The following BZW2 variants were observed in gnomAD, a reference collection of about 807,000 sequenced individuals.
The protein encoded by BZW2 is eIF5-mimic protein 1.
BZW2 carries 23 observed loss-of-function variants against 53.2 expected under a neutral mutation model. The ratio of observed to expected loss-of-function variants is 0.43; its 90% CI spans 0.31 to 0.61. BZW2 has a LOEUF of 0.61. Among genes scored for constraint, BZW2 ranks in the 20% least tolerant of loss-of-function variants. BZW2 has a pLI of 0.09. For synonymous variants in BZW2, 227 were observed against 186.4 expected (o/e 1.22, Z -1.77); for missense variants, 409 against 503.1 (o/e 0.81, Z 1.79).
intron 6 of BZW2, chr7:16,688,572 AG>A (rs1290388536): frequency 6.6e-6 from 1 of 152,214 alleles, no homozygotes; most frequent in Non-Finnish European, 1.5e-5. Context: ...ACTGGATAAA[AG>A]GGGACCTCTT....
intron 8 of BZW2, among the ~76,000 whole-genome samples, chr7:16,695,268 A>G (rs2128367741): frequency 6.6e-6 from 1 of 152,340 alleles, no homozygotes; most frequent in Non-Finnish European, 1.5e-5. Context: ...GATTTTCAAA[A>G]TATTTCATCT....
At chr7:16,690,848 A>C (rs368047966) in intron 7 of BZW2, among the ~76,000 whole-genome samples, 1 of 152,152 alleles carries the variant, frequency 6.6e-6, no homozygotes, top group Non-Finnish European at 1.5e-5. Context: ...AGCAGCTGTG[A>C]AATGCCAAGA....
In BZW2 at chr7:16,674,643, G is replaced by A. The variant is rs1024725956; in HGVS notation, c.235+55G>A. On this transcript the variant is annotated intron_variant, in intron 3 of 11. Transcript: ENST00000258761. ...ATATTTATATATTTTTAATTCTGTT[G>A]AAGTATTTCCTTATAAGATAGAGTC... 1.6e-5 allele frequency: 21 copies of A among 1,327,912 alleles called. No individual in the cohort carries two copies. The African/African-American group carries it at 2.1e-4, about 13-fold the overall frequency. 82.3% of individuals were successfully genotyped at this position (1,327,912 alleles called of 1,614,324 possible).
intron 1 of BZW2, among the ~76,000 whole-genome samples, chr7:16,650,402 A>G (rs1264174155): frequency 6.6e-6 from 1 of 151,920 alleles, no homozygotes; most frequent in Non-Finnish European, 1.5e-5. Context: ...AGGCATTCCA[A>G]AAAAAAAGAG....
chr7:16,652,705 A>G (rs1782016614), intron 1 of BZW2, among the ~76,000 whole-genome samples: 1 of 151,946 alleles, frequency 6.6e-6, no homozygotes, highest in Admixed American at 6.6e-5. Flanking sequence ...TTGTATTTTT[A>G]GTACAGACGG....
intron 5 of BZW2, among the ~76,000 whole-genome samples, chr7:16,683,978 A>G (rs1240939386): frequency 1.3e-5 from 2 of 152,224 alleles, no homozygotes; most frequent in Non-Finnish European, 2.9e-5. Context: ...CCCATGACCC[A>G]GCCGTCATGA....
At chr7:16,701,358 A>G (rs1438694307) in intron 10 of BZW2, among the ~76,000 whole-genome samples, 2 of 152,108 alleles carry the variant, frequency 1.3e-5, no homozygotes, top group South Asian at 2.1e-4. Flanking sequence ...TATCTCTATC[A>G]TGGGTTTTCT....
chr7:16,681,518 G>T, intron 4 of BZW2, 114 bp downstream of exon 4: 1 of 856,162 alleles, frequency 1.2e-6, no homozygotes. Context: ...TTAAACTTAT[G>T]AAAATAATGG....
Position 16,659,041 on chromosome 7 carries a change from T to G in BZW2, c.-7-6396T>G, listed in dbSNP as rs948159053. 2.7e-5 allele frequency among the ~76,000 whole-genome samples: 4 copies of G among 150,756 alleles called. No individual in the cohort carries two copies. In the East Asian group the frequency reaches 7.8e-4, roughly 29 times the overall value. On this transcript the variant is annotated intron_variant, in intron 1 of 11. Coordinates refer to ENST00000258761, the MANE Select transcript of BZW2 (RefSeq NM_014038.3). ...ATTTGGGAGGCTGAGGCAGGAGGACTGCTTGAGCTCAAGAGTTCGAGACCA... is the reference window on the plus strand; with the variant it reads ...ATTTGGGAGGCTGAGGCAGGAGGACGGCTTGAGCTCAAGAGTTCGAGACCA...
At chr7:16,670,468 T>G (rs939522486) in intron 2 of BZW2, among the ~76,000 whole-genome samples, 1 of 152,254 alleles carries the variant, frequency 6.6e-6, no homozygotes, top group Non-Finnish European at 1.5e-5. Flanking sequence ...CATCCAACCA[T>G]GTGGTAGGGC....
intron 9 of BZW2, 38 bp downstream of exon 9, chr7:16,697,099 C>T: frequency 1.3e-6 from 2 of 1,595,346 alleles, no homozygotes; most frequent in Non-Finnish European, 8.5e-7. Flanking sequence ...CAGCCAAGGG[C>T]AAACTGCAGC....
At chr7:16,672,087 G>A (rs975007945) in intron 2 of BZW2, among the ~76,000 whole-genome samples, 6 of 151,832 alleles carry the variant, frequency 4.0e-5, no homozygotes, top group Admixed American at 3.3e-4. Context: ...TTATCACCCC[G>A]GAAACTTCAG....
intron 2 of BZW2, among the ~76,000 whole-genome samples, chr7:16,666,912 G>T (rs1419133471): frequency 4.0e-5 from 6 of 148,554 alleles, no homozygotes; most frequent in Non-Finnish European, 7.4e-5. Context: ...ACTACACCAA[G>T]CCAAGAATAT....
intron 2 of BZW2, among the ~76,000 whole-genome samples, chr7:16,667,279 C>CA (rs748681228): frequency 0.038 from 2,239 of 59,458 alleles, 44 homozygotes; most frequent in African/African-American, 0.09. Flanking sequence ...AGCTCCATCT[C>CA]AAAAAAAAAA....
At chr7:16,696,826 C>A in intron 8 of BZW2, 89 bp from the exon 9 acceptor site, 1 of 1,422,372 alleles carries the variant, frequency 7.0e-7, no homozygotes, top group Non-Finnish European at 9.8e-7. Context: ...CTTAGCTGCC[C>A]CAAAACCTTG....
intron 1 of BZW2, among the ~76,000 whole-genome samples, chr7:16,664,244 C>G (rs1156760702): frequency 1.3e-5 from 2 of 152,178 alleles, no homozygotes; most frequent in African/African-American, 4.8e-5. Flanking sequence ...CTACAAGGTT[C>G]CTGTCCTAGT....
At position 16,654,083 on chromosome 7, in the gene BZW2, CAAAAAAAAA is replaced by C. The variant is rs61590306; in HGVS notation, c.-8+7815_-8+7823del. 3.5e-4 allele frequency among the ~76,000 whole-genome samples: 29 copies of C among 82,528 alleles called. No homozygotes were observed. The East Asian group carries it at 9.8e-3, about 28-fold the overall frequency. 54.1% of individuals were successfully genotyped at this position (82,528 alleles called of 152,430 possible). A position where few individuals can be genotyped will look rare whatever the true frequency, so the allele number is the denominator to read the frequency against. On this transcript the variant is annotated intron_variant, in intron 1 of 11. Transcript: ENST00000258761. ...CCAACATGGCAAAACCCCATCTCTA[CAAAAAAAAA>C]AAAAAAAAAAAAAAAAAAATACAAA...
At chr7:16,667,595 A>G (rs1445848972) in intron 2 of BZW2, among the ~76,000 whole-genome samples, 1 of 152,248 alleles carries the variant, frequency 6.6e-6, no homozygotes. Flanking sequence ...AAATTGCAAT[A>G]TAATAGATCA....
chr7:16,697,664 A>G (rs774912878), intron 9 of BZW2, among the ~76,000 whole-genome samples: 20 of 152,352 alleles, frequency 1.3e-4, no homozygotes, highest in Non-Finnish European at 2.1e-4. Flanking sequence ...CCAGCAGCTC[A>G]TCAAGATTCC....
Sources: allele counts gnomAD v4.1 joint callset (sites outside exome capture counted in the v4.1 genomes callset), GRCh38; gene constraint gnomAD v4.1.1; transcripts MANE v1.5; gene names NCBI Gene and HGNC (gene_info 2026-07-23, HGNC 2026-07-21).